The following CENPC variants were observed in gnomAD, a reference collection of about 807,000 sequenced individuals.
CENPC encodes CENP-C 1.
CENPC carries 63 observed loss-of-function variants against 112.1 expected under a neutral mutation model. The observed-to-expected ratio is 0.56, with a 90% CI of 0.46 to 0.69. CENPC has a LOEUF of 0.69. Ranked by LOEUF, CENPC falls within the 30% of genes least tolerant of loss-of-function variation. CENPC has a pLI of 0.00. For synonymous variants in CENPC, 333 were observed against 367.6 expected (o/e 0.91, Z 1.08); for missense variants, 1,000 against 1,103.8 (o/e 0.91, Z 1.33).
intron 5 of CENPC, among the ~76,000 whole-genome samples, chr4:67,529,422 C>T (rs1056166210): frequency 1.3e-5 from 2 of 152,024 alleles, no homozygotes; most frequent in African/African-American, 4.8e-5. Context: ...AGCTCCTAGG[C>T]TCAAGCGATT....
chr4:67,489,678 C>T (rs1410742735), intron 17 of CENPC, among the ~76,000 whole-genome samples: 1 of 152,036 alleles, frequency 6.6e-6, no homozygotes, highest in Admixed American at 6.6e-5. Flanking sequence ...TCCCCCCCAG[C>T]ACTAAAATTC....
At position 67,514,668 on chromosome 4, in the gene CENPC, C is replaced by T. The variant is rs1363416179; in HGVS notation, c.850G>A (p.Ala284Thr). 3 of 1,607,346 alleles carry T rather than the reference C, an allele frequency of 1.9e-6. No individual in the cohort carries two copies. Among genetic ancestry groups the T allele is most frequent in the East Asian group, 4.5e-5 (2 of 44,616 alleles). ...SESSPIVRHA[A>T]TAPPHSCPPD... ...GGACACGAATGAGGTGGAGCAGTTGCCGCATGCCTAACAATGGGACTGAAA... is the reference window on the plus strand; with the variant it reads ...GGACACGAATGAGGTGGAGCAGTTGTCGCATGCCTAACAATGGGACTGAAA... The change falls in exon 8 of 19, where the codon GCA (alanine) becomes ACA (threonine). Residue 284 changes from alanine to threonine, a missense_variant. Coordinates refer to ENST00000273853, the MANE Select transcript of CENPC (RefSeq NM_001812.4).
chr4:67,484,695 T>C (rs1725045649), intron 17 of CENPC, among the ~76,000 whole-genome samples: 1 of 152,220 alleles, frequency 6.6e-6, no homozygotes, highest in Non-Finnish European at 1.5e-5. Flanking sequence ...ACCATTGTAA[T>C]ACAGGAAGAG....
chr4:67,503,666 CTT>C (rs1313927653), intron 12 of CENPC, among the ~76,000 whole-genome samples: 4 of 152,138 alleles, frequency 2.6e-5, no homozygotes, highest in African/African-American at 7.2e-5. Flanking sequence ...AATATATCCA[CTT>C]ATGTTATCAA....
intron 7 of CENPC, among the ~76,000 whole-genome samples, chr4:67,516,542 C>T (rs1418124409): frequency 6.6e-6 from 1 of 151,954 alleles, no homozygotes; most frequent in Non-Finnish European, 1.5e-5. Flanking sequence ...TAATCGCAAA[C>T]TCCTGACAAA....
chr4:67,506,466 T>C (rs1021000779), intron 11 of CENPC, among the ~76,000 whole-genome samples: 7 of 152,094 alleles, frequency 4.6e-5, no homozygotes, highest in Middle Eastern at 3.2e-3. Flanking sequence ...GGCCACATGG[T>C]TAAGAAACTA....
chr4:67,492,301 C>A (rs1360448436), intron 15 of CENPC, 26 bp from the exon 16 acceptor site: 1 of 1,400,974 alleles, frequency 7.1e-7, no homozygotes. Context: ...CATTGAAATA[C>A]AAACTACTTA....
At chr4:67,499,128 T>C (rs1326444658) in intron 12 of CENPC, among the ~76,000 whole-genome samples, 1 of 152,196 alleles carries the variant, frequency 6.6e-6, no homozygotes, top group African/African-American at 2.4e-5. Flanking sequence ...GTTGTTCTAC[T>C]AATAGAGCAA....
intron 12 of CENPC, among the ~76,000 whole-genome samples, chr4:67,504,873 T>A (rs1473560615): frequency 6.6e-6 from 1 of 152,078 alleles, no homozygotes; most frequent in East Asian, 1.9e-4. Flanking sequence ...GAAAATAGTA[T>A]AATGAACCCA....
At chr4:67,507,348 G>A (rs1225031565) in intron 10 of CENPC, among the ~76,000 whole-genome samples, 2 of 152,072 alleles carry the variant, frequency 1.3e-5, no homozygotes, top group Non-Finnish European at 2.9e-5. Context: ...TCATCTCTTT[G>A]GTAGTTAGTT....
At chr4:67,518,732 C>T (rs556534432) in intron 6 of CENPC, among the ~76,000 whole-genome samples, 5 of 152,282 alleles carry the variant, frequency 3.3e-5, no homozygotes, top group African/African-American at 9.6e-5. Flanking sequence ...TCATACAATA[C>T]TCTAAATAGA....
intron 5 of CENPC, among the ~76,000 whole-genome samples, chr4:67,528,418 T>C (rs1411546715): frequency 6.6e-6 from 1 of 152,188 alleles, no homozygotes; most frequent in African/African-American, 2.4e-5. Flanking sequence ...TCATCATTTC[T>C]AGAACTTTTT....
chr4:67,520,538 G>A (rs1046252680), intron 5 of CENPC, among the ~76,000 whole-genome samples: 9 of 152,130 alleles, frequency 5.9e-5, no homozygotes, highest in African/African-American at 2.2e-4. Flanking sequence ...CCCAGGACCA[G>A]CAGCTTCTAA....
intron 5 of CENPC, among the ~76,000 whole-genome samples, chr4:67,520,165 G>A (rs1282621852): frequency 6.6e-6 from 1 of 152,112 alleles, no homozygotes; most frequent in Non-Finnish European, 1.5e-5. Context: ...AAGACCTAAT[G>A]AGGAAACTCA....
chr4:67,512,339 C>G, intron 9 of CENPC, 63 bp downstream of exon 9: 1 of 1,186,278 alleles, frequency 8.4e-7, no homozygotes, highest in South Asian at 1.5e-5. Flanking sequence ...TAAAATCAAA[C>G]ATAATGCCCC....
chr4:67,509,650 A>G (rs186442712), intron 9 of CENPC, among the ~76,000 whole-genome samples: 39 of 152,136 alleles, frequency 2.6e-4, no homozygotes, highest in Non-Finnish European at 1.6e-4. Context: ...ATCCACAATC[A>G]CGCCCTAAAT....
At chr4:67,478,895 G>C (rs890935664) in intron 17 of CENPC, among the ~76,000 whole-genome samples, 12 of 152,114 alleles carry the variant, frequency 7.9e-5, no homozygotes, top group African/African-American at 2.9e-4. Flanking sequence ...CATGCAAATG[G>C]ATACCAAAAG....
chr4:67,474,189 A>G (rs1400217728), intron 18 of CENPC, among the ~76,000 whole-genome samples: 2 of 151,952 alleles, frequency 1.3e-5, no homozygotes, highest in Admixed American at 6.5e-5. Flanking sequence ...CTCAGCCTCC[A>G]GAGTAGCTGG....
chr4:67,511,711 C>T (rs888548151), intron 9 of CENPC, among the ~76,000 whole-genome samples: 6 of 152,188 alleles, frequency 3.9e-5, no homozygotes, highest in East Asian at 1.9e-4. Flanking sequence ...TGTGACCACC[C>T]CCAGGAAAGA....
Sources: allele counts gnomAD v4.1 joint callset (sites outside exome capture counted in the v4.1 genomes callset), GRCh38; gene constraint gnomAD v4.1.1; transcripts MANE v1.5; gene names NCBI Gene and HGNC (gene_info 2026-07-23, HGNC 2026-07-21).